ZDHHC3: variants seen among roughly 807,000 people sequenced by gnomAD.
ZDHHC3 encodes zDHHC palmitoyltransferase 3.
A neutral mutation model predicts 30.6 loss-of-function variants in ZDHHC3; 9 were observed. The ratio of observed to expected loss-of-function variants is 0.29; its 90% CI spans 0.18 to 0.51. The LOEUF (loss-of-function observed/expected upper bound fraction) is 0.51. Among genes scored for constraint, ZDHHC3 ranks in the 20% least tolerant of loss-of-function variants. The pLI is 0.97. For missense variants in ZDHHC3, 246 were observed against 384.2 expected, an observed-to-expected ratio of 0.64 and a Z score of 3.01; for synonymous variants, 136 against 140.2, an observed-to-expected ratio of 0.97 and a Z score of 0.21.
intron 2 of ZDHHC3, among the ~76,000 whole-genome samples, chr3:44,955,329 T>C (rs942756204): frequency 2.6e-5 from 4 of 152,110 alleles, no homozygotes; most frequent in African/African-American, 9.7e-5. Flanking sequence ...TACTGCTACA[T>C]TGGAGTAAAT....
rs537233860 is a variant in ZDHHC3 at position 44,921,456 on chromosome 3, A to G, written c.*5233T>C. On this transcript the variant is annotated 3_prime_UTR_variant, in exon 7 of 7. Coordinates refer to ENST00000424952, the MANE Select transcript of ZDHHC3 (RefSeq NM_001135179.2). ...AAACATTTTTCTGTTGCATTCCAGA[A>G]CACATATACACACAACTCCCTAAGC... The G allele has an allele frequency of 1.0e-6, 1 of 985,448 alleles. No individual in the cohort carries two copies. The highest frequency in any genetic ancestry group is 1.7e-5 in the African/African-American group (1 of 57,354). 61.0% of individuals were successfully genotyped at this position (985,448 alleles called of 1,614,324 possible).
intron 5 of ZDHHC3, among the ~76,000 whole-genome samples, chr3:44,930,100 G>C (rs955417119): frequency 1.2e-4 from 18 of 152,240 alleles, no homozygotes; most frequent in African/African-American, 4.3e-4. Context: ...CATGGGCCCA[G>C]AGTAGGCACT....
chr3:44,970,947 T>C (rs545571027), intron 1 of ZDHHC3, among the ~76,000 whole-genome samples: 1 of 152,336 alleles, frequency 6.6e-6, no homozygotes, highest in Non-Finnish European at 1.5e-5. Flanking sequence ...AGACTTAGGT[T>C]AACTGACTTG....
rs1379465448 is a variant in ZDHHC3 at position 44,934,041 on chromosome 3, C to CG, written c.432-58dup. Reference sequence around the variant, plus strand: ...CATCCCCATGGTGTTGGGAGGGCCCCGGGGGAACGCAGAACCCATGGCTCC... The same window carrying CG: ...CATCCCCATGGTGTTGGGAGGGCCCCGGGGGGAACGCAGAACCCATGGCTCC... On this transcript the variant is annotated intron_variant, in intron 3 of 6. Coordinates refer to ENST00000424952, the MANE Select transcript of ZDHHC3 (RefSeq NM_001135179.2). 5 of 1,536,012 alleles carry CG rather than the reference C, an allele frequency of 3.3e-6. No individual in the cohort carries two copies. In the African/African-American group the frequency reaches 5.5e-5, roughly 17 times the overall value.
At chr3:44,947,327 G>C (rs1460243480) in intron 2 of ZDHHC3, among the ~76,000 whole-genome samples, 1 of 152,182 alleles carries the variant, frequency 6.6e-6, no homozygotes, top group African/African-American at 2.4e-5. Flanking sequence ...AGAAGTAAGA[G>C]AGAAGATCAG....
intron 3 of ZDHHC3, among the ~76,000 whole-genome samples, chr3:44,942,461 A>G (rs1428311719): frequency 6.6e-6 from 1 of 152,212 alleles, no homozygotes; most frequent in African/African-American, 2.4e-5. Flanking sequence ...ACTAGCACAC[A>G]AGAATACCTC....
At chr3:44,940,552 C>T (rs1486655756) in intron 3 of ZDHHC3, among the ~76,000 whole-genome samples, 1 of 152,160 alleles carries the variant, frequency 6.6e-6, no homozygotes, top group East Asian at 1.9e-4. Flanking sequence ...GGCACAGGGA[C>T]CAAGTGTGCA....
chr3:44,925,466 T>C lies in ZDHHC3; in HGVS notation c.*1223A>G. The C allele has an allele frequency of 1.0e-6, 1 of 985,472 alleles. No homozygotes were observed. Among genetic ancestry groups the C allele is most frequent in the Non-Finnish European group, 1.2e-6 (1 of 829,938 alleles). The allele number at this position is 985,472 out of a possible 1,614,324, so 61.0% of individuals were successfully genotyped here. A position where few individuals can be genotyped will look rare whatever the true frequency, so the allele number is the denominator to read the frequency against. ...GGGCACTCCCTACCTCCTTCACCTC[T>C]ATCCACCATCACCACCTCCTTCAAA... is the stretch of plus-strand genomic sequence containing the variant. On this transcript the variant is annotated 3_prime_UTR_variant, in exon 7 of 7. Transcript: ENST00000424952.
At position 44,936,498 on chromosome 3, in the gene ZDHHC3, T is replaced by C. The variant is rs1701973316; in HGVS notation, c.432-2514A>G. 2.0e-5 allele frequency among the ~76,000 whole-genome samples: 3 copies of C among 152,202 alleles called. No homozygotes were observed. The South Asian group carries it at 6.2e-4, about 31-fold the overall frequency. On this transcript the variant is annotated intron_variant, in intron 3 of 6. Transcript: ENST00000424952. The stretch of plus-strand genomic sequence containing the variant: ...ACGACCATTCAACCCAGCAATCCCA[T>C]TACTGGATACATACCTAAGGGAATA...
At chr3:44,951,896 C>A (rs1703488705) in intron 2 of ZDHHC3, among the ~76,000 whole-genome samples, 1 of 151,904 alleles carries the variant, frequency 6.6e-6, no homozygotes, top group South Asian at 2.1e-4. Flanking sequence ...CTCCCCTCCT[C>A]TTGGAATCCC....
rs921304441 is a variant in ZDHHC3 at position 44,925,902 on chromosome 3, G to T, written c.*787C>A. On this transcript the variant is annotated 3_prime_UTR_variant, in exon 7 of 7. Transcript: ENST00000424952. ...AGCAGATGAAACAAAGGAAAACGTA[G>T]CTTGCCTGAAATTGTGTAATTTTTT... 2 of 985,808 alleles carry T rather than the reference G, an allele frequency of 2.0e-6. No individual in the cohort carries two copies. The highest frequency in any genetic ancestry group is 1.1e-4 in the East Asian group (1 of 8,808). The allele number at this position is 985,808 out of a possible 1,614,324, so 61.1% of individuals were successfully genotyped here. A position where few individuals can be genotyped will look rare whatever the true frequency, so the allele number is the denominator to read the frequency against.
intron 2 of ZDHHC3, among the ~76,000 whole-genome samples, chr3:44,947,373 G>C (rs975896512): frequency 6.6e-6 from 1 of 152,208 alleles, no homozygotes; most frequent in African/African-American, 2.4e-5. Flanking sequence ...AGCTGGCTTG[G>C]AAGTCCCCTG....
At chr3:44,929,506 C>T (rs1405430617) in intron 5 of ZDHHC3, 70 bp from the exon 6 acceptor site, 1 of 1,584,720 alleles carries the variant, frequency 6.3e-7, no homozygotes, top group African/African-American at 1.3e-5. Context: ...CACTGCCCCA[C>T]TAGGCGCCCA....
intron 3 of ZDHHC3, chr3:44,937,762 A>T (rs974791175): frequency 3.8e-5 from 12 of 317,620 alleles, no homozygotes; most frequent in Non-Finnish European, 3.8e-5. Context: ...GTGGGCCCCC[A>T]AGATTGCACC....
intron 2 of ZDHHC3, among the ~76,000 whole-genome samples, chr3:44,948,774 CTCTTCACA>C (rs200781203): frequency 0.018 from 2,793 of 152,334 alleles, 43 homozygotes; most frequent in Middle Eastern, 0.085. Flanking sequence ...CTGTCGTCTG[CTCTTCACA>C]TGACTCTTTG....
Position 44,922,660 on chromosome 3 carries a change from G to A in ZDHHC3, c.*4029C>T. On this transcript the variant is annotated 3_prime_UTR_variant, in exon 7 of 7. Transcript: ENST00000424952. ...ACCACCTGAGGGGGGACTCCTGCTA[G>A]CCCCAACTGGATTCTCAAACTTGAT... The A allele has an allele frequency of 1.0e-6, 1 of 985,358 alleles. No homozygotes were observed. Among genetic ancestry groups the A allele is most frequent in the Non-Finnish European group, 1.2e-6 (1 of 829,910 alleles). The allele number at this position is 985,358 out of a possible 1,614,324, so 61.0% of individuals were successfully genotyped here. A position where few individuals can be genotyped will look rare whatever the true frequency, so the allele number is the denominator to read the frequency against.
intron 1 of ZDHHC3, among the ~76,000 whole-genome samples, chr3:44,964,812 A>T (rs751285649): frequency 1.3e-5 from 2 of 152,242 alleles, no homozygotes; most frequent in Non-Finnish European, 2.9e-5. Flanking sequence ...TGTAACTTGA[A>T]TTATAGTAAT....
chr3:44,928,127 G>A (rs939385052), intron 6 of ZDHHC3, among the ~76,000 whole-genome samples: 6 of 152,212 alleles, frequency 3.9e-5, no homozygotes, highest in Non-Finnish European at 8.8e-5. Context: ...ACGTAGAGAA[G>A]TTGGTCACGG....
At chr3:44,969,024 C>A (rs1705188296) in intron 1 of ZDHHC3, among the ~76,000 whole-genome samples, 1 of 152,236 alleles carries the variant, frequency 6.6e-6, no homozygotes, top group Admixed American at 6.5e-5. Flanking sequence ...CCTGCATTAA[C>A]TTCTCCTTGC....
Sources: gnomAD v4.1 joint callset for allele counts (sites outside exome capture counted in the v4.1 genomes callset) on GRCh38, gnomAD v4.1.1 for gene constraint, MANE v1.5 for transcripts, NCBI Gene and HGNC (gene_info 2026-07-23, HGNC 2026-07-21) for gene names.